The following CCDC187 variants were observed in gnomAD, a reference collection of about 807,000 sequenced individuals.
CCDC187 encodes coiled-coil domain containing 187.
In CCDC187, 32 loss-of-function variants were observed where a neutral mutation model predicts 38.0. The ratio of observed to expected loss-of-function variants is 0.84; its 90% CI spans 0.64 to 1.13. The LOEUF is 1.13. CCDC187 is among the 50% of genes most tolerant of loss of function. The pLI is 0.00. For synonymous variants in CCDC187, 333 were observed against 347.9 expected (o/e 0.96, Z 0.48); for missense variants, 707 against 786.8 (o/e 0.90, Z 1.21).
At position 136,294,010 on chromosome 9, in the gene CCDC187, G is replaced by A. The variant is rs922884657; in HGVS notation, c.833-1715C>T. On this transcript the variant is annotated intron_variant, in intron 4 of 25. Coordinates refer to ENST00000638797, the MANE Select transcript of CCDC187 (RefSeq NM_001378188.1). The stretch of plus-strand genomic sequence containing the variant: ...CACACACTCACACTCATATACACAC[G>A]CCCTCACATGCTCTCACACACACAC... Among the ~76,000 whole-genome samples the A allele has an allele frequency of 4.7e-3, 617 of 131,820 alleles. 5 individuals are homozygous for A. The highest frequency in any genetic ancestry group is 0.016 in the African/African-American group (558 of 34,964). 86.5% of individuals were successfully genotyped at this position (131,820 alleles called of 152,430 possible).
intron 14 of CCDC187, among the ~76,000 whole-genome samples, chr9:136,270,085 A>G (rs1457743107): frequency 2.0e-5 from 3 of 152,268 alleles, no homozygotes; most frequent in Non-Finnish European, 4.4e-5. Context: ...AAAGAGCTTC[A>G]GTAAGCTCAC....
At chr9:136,288,069 C>T (rs1327568457) in intron 7 of CCDC187, among the ~76,000 whole-genome samples, 3 of 152,108 alleles carry the variant, frequency 2.0e-5, no homozygotes, top group Admixed American at 2.0e-4. Flanking sequence ...CTGCCCGAGA[C>T]GACGAGTCCC....
In CCDC187 at chr9:136,252,407, C is replaced by G. The variant is rs184409937; in HGVS notation, c.*1187G>C. 1.1e-3 allele frequency: 187 copies of G among 173,336 alleles called. No homozygotes were observed. Among genetic ancestry groups the G allele is most frequent in the Non-Finnish European group, 1.2e-3 (98 of 84,018 alleles). The allele number at this position is 173,336 out of a possible 1,614,324, so 10.7% of individuals were successfully genotyped here. A position where few individuals can be genotyped will look rare whatever the true frequency, so the allele number is the denominator to read the frequency against. On this transcript the variant is annotated 3_prime_UTR_variant, in exon 26 of 26. Transcript: ENST00000638797. ...GGAAGGTCCAGGCAACCGTCCCGCA[C>G]AGCCGGCCGCCCACCCTGTCCACCG... is the stretch of plus-strand genomic sequence containing the variant.
At chr9:136,276,886 C>T (rs1370302570) in intron 10 of CCDC187, among the ~76,000 whole-genome samples, 159 bp from the exon 11 acceptor site, 1 of 152,104 alleles carries the variant, frequency 6.6e-6, no homozygotes, top group Non-Finnish European at 1.5e-5. Context: ...GGCCTGAGTC[C>T]TGAGCCCAGC....
intron 14 of CCDC187, among the ~76,000 whole-genome samples, chr9:136,270,320 A>G (rs1227362686): frequency 1.3e-5 from 2 of 152,218 alleles, no homozygotes; most frequent in South Asian, 2.1e-4. Context: ...TATACAAGAC[A>G]ACGGGGCAGG....
At chr9:136,255,257 C>T (rs1475438684) in intron 25 of CCDC187, 123 bp from the exon 26 acceptor site, 4 of 390,190 alleles carry the variant, frequency 1.0e-5, no homozygotes, top group Non-Finnish European at 1.4e-5. Context: ...GGAAAAGCGT[C>T]GAGGGTGCCA....
At position 136,298,325 on chromosome 9, in the gene CCDC187, TG is replaced by T. The variant is rs1292353398; in HGVS notation, c.725-505del. ...GGCCAGGAGGAGTGAGGGCCAGACCTGGGGGGGCCTTGGCACCATGGAGTGG... is the reference window on the plus strand; with the variant it reads ...GGCCAGGAGGAGTGAGGGCCAGACCTGGGGGGCCTTGGCACCATGGAGTGG... On this transcript the variant is annotated intron_variant, in intron 3 of 25. Transcript: ENST00000638797. Among the ~76,000 whole-genome samples, 5 of 152,042 alleles carry T rather than the reference TG, an allele frequency of 3.3e-5. No homozygotes were observed. In the East Asian group the frequency reaches 5.8e-4, roughly 18 times the overall value.
intron 9 of CCDC187, among the ~76,000 whole-genome samples, chr9:136,285,206 G>A (rs994561601): frequency 2.6e-5 from 4 of 152,126 alleles, no homozygotes; most frequent in South Asian, 2.1e-4. Context: ...CCTGCACTCA[G>A]TCTGGAGCAG....
At position 136,292,176 on chromosome 9, in the gene CCDC187, G is replaced by A. The variant is rs1831347369; in HGVS notation, c.952C>T (p.Leu318Phe). 1.0e-5 allele frequency: 4 copies of A among 398,758 alleles called. No individual in the cohort carries two copies. Among genetic ancestry groups the A allele is most frequent in the Non-Finnish European group, 1.8e-5 (4 of 226,208 alleles). The allele number at this position is 398,758 out of a possible 1,614,324, so 24.7% of individuals were successfully genotyped here. A position where few individuals can be genotyped will look rare whatever the true frequency, so the allele number is the denominator to read the frequency against. The change falls in exon 5 of 26, where the codon CTC becomes TTC. Residue 318 changes from leucine to phenylalanine, a missense_variant. Transcript: ENST00000638797. ...GCACAGGTACCTAAGTCCACGGTGA[G>A]AGCCGGGTCTCTCGAGGGATCCTTG... The part of the protein sequence containing the change: ...HSKDPSRDPA[L>F]TVDLGDSEKV...
At chr9:136,295,108 G>T (rs1377050683) in intron 4 of CCDC187, among the ~76,000 whole-genome samples, 1 of 152,248 alleles carries the variant, frequency 6.6e-6, no homozygotes, top group Non-Finnish European at 1.5e-5. Context: ...ACTGGCTCAG[G>T]GTGGTGTCAA....
intron 5 of CCDC187, 108 bp from the exon 6 acceptor site, chr9:136,291,753 T>A: frequency 2.5e-6 from 1 of 397,954 alleles, no homozygotes; most frequent in Non-Finnish European, 4.4e-6. Context: ...GAGGAGGCCC[T>A]CGGGCCCCTG....
Position 136,254,286 on chromosome 9 carries a change from C to T in CCDC187, c.5542G>A (p.Gly1848Arg). 2 of 980,290 alleles carry T rather than the reference C, an allele frequency of 2.0e-6. No homozygotes were observed. The highest frequency in any genetic ancestry group is 1.2e-6 in the Non-Finnish European group (1 of 825,408). 60.7% of individuals were successfully genotyped at this position (980,290 alleles called of 1,614,324 possible). ...PWPGEGLEAS[G>R]TSESLMGVSD... Reference sequence around the variant, plus strand: ...ACCCCCATCAGGCTCTCGCTGGTCCCAGAAGCTTCCAGCCCCTCCCCAGGC... The same window carrying T: ...ACCCCCATCAGGCTCTCGCTGGTCCTAGAAGCTTCCAGCCCCTCCCCAGGC... Residue 1848 changes from glycine (G) to arginine (R), a missense_variant, in exon 26 of 26, where the codon GGG (glycine) becomes AGG (arginine). Transcript: ENST00000638797.
In CCDC187 at chr9:136,271,274, C is replaced by A. The variant is rs35623818; in HGVS notation, c.3443-3149G>T. Among the ~76,000 whole-genome samples the A allele has an allele frequency of 3.0e-3, 453 of 152,298 alleles. 2 individuals are homozygous for A. The highest frequency in any genetic ancestry group is 4.6e-3 in the Non-Finnish European group (311 of 68,024). ...TGGTGGCTCCTGCCTATAATCCCAG[C>A]ACTTTGGGAGGCTGAAGTGGGCAAA... On this transcript the variant is annotated intron_variant, in intron 14 of 25. Coordinates refer to ENST00000638797, the MANE Select transcript of CCDC187 (RefSeq NM_001378188.1).
chr9:136,262,541 G>A (rs1830692059), intron 18 of CCDC187, 79 bp from the exon 19 acceptor site: 2 of 979,850 alleles, frequency 2.0e-6, no homozygotes, highest in Middle Eastern at 5.2e-4. Flanking sequence ...GGCTTCACGT[G>A]GCTGTGGCTG....
At chr9:136,273,783 C>T (rs782043805) in intron 14 of CCDC187, among the ~76,000 whole-genome samples, 2 of 152,244 alleles carry the variant, frequency 1.3e-5, no homozygotes, top group Non-Finnish European at 1.5e-5. Flanking sequence ...ACGAGGTTCA[C>T]ACAGATGTGT....
chr9:136,269,134 T>C (rs1554762045), intron 14 of CCDC187, among the ~76,000 whole-genome samples: 1 of 152,206 alleles, frequency 6.6e-6, no homozygotes, highest in Non-Finnish European at 1.5e-5. Flanking sequence ...TCCGGGGGAC[T>C]GGAAGCCTGG....
rs1417203629 is a variant in CCDC187, at chr9:136,257,229, C to T, written c.4367-388G>A. 7.9e-5 allele frequency among the ~76,000 whole-genome samples: 12 copies of T among 152,170 alleles called. No individual in the cohort carries two copies. Among genetic ancestry groups the T allele is most frequent in the African/African-American group, 1.9e-4 (8 of 41,502 alleles). On this transcript the variant is annotated intron_variant, in intron 22 of 25. Transcript: ENST00000638797. The surrounding 1 kb of genome is among the most constrained non-coding windows in gnomAD (Gnocchi z 4.5). ...CTCTACTAAAAATACAAAAATTAGG[C>T]GGGCATGGTGGCGGGGGCCTATAAT... is the stretch of plus-strand genomic sequence containing the variant.
chr9:136,250,878 G>A lies in CCDC187; in HGVS notation c.*2716C>T, dbSNP rs1437166592. The A allele has an allele frequency of 4.4e-6, 2 of 453,838 alleles. No individual in the cohort carries two copies. Among genetic ancestry groups the A allele is most frequent in the Admixed American group, 2.4e-5 (1 of 42,496 alleles). 28.1% of individuals were successfully genotyped at this position (453,838 alleles called of 1,614,324 possible). Reference sequence around the variant, plus strand: ...TGCTCCCGGGCGAGGGGTGTCTGGAGAGGGGCTCTTGCCTCACGGCAGGGG... The same window carrying A: ...TGCTCCCGGGCGAGGGGTGTCTGGAAAGGGGCTCTTGCCTCACGGCAGGGG... On this transcript the variant is annotated 3_prime_UTR_variant, in exon 26 of 26. Transcript: ENST00000638797.
At chr9:136,301,630 A>G (rs1459091844) in intron 2 of CCDC187, among the ~76,000 whole-genome samples, 1 of 127,326 alleles carries the variant, frequency 7.9e-6, no homozygotes, top group East Asian at 2.2e-4. Context: ...TCTGTCGCCC[A>G]GGCTGGAGTG....
Sources: allele counts gnomAD v4.1 joint callset (sites outside exome capture counted in the v4.1 genomes callset), GRCh38; gene constraint gnomAD v4.1.1; non-coding constraint Gnocchi (gnomAD v3.1); transcripts MANE v1.5; gene names NCBI Gene and HGNC (gene_info 2026-07-23, HGNC 2026-07-21).